PLD5: variants seen among roughly 807,000 people sequenced by gnomAD.
The protein encoded by PLD5 is inactive phospholipase D5.
In PLD5, 36 loss-of-function variants were observed where a neutral mutation model predicts 61.1. That is an observed-to-expected ratio of 0.59 (90% CI 0.45 to 0.78). The LOEUF is 0.78. PLD5 is among the 30% of genes least tolerant of loss of function. The pLI is 0.00. For missense variants in PLD5, 515 were observed against 644.4 expected (o/e 0.80, Z 2.17); for synonymous variants, 243 against 242.8 (o/e 1.00, Z -0.01).
chr1:242,524,078 T>G lies in PLD5; in HGVS notation c.189+10A>C. 1 of 1,530,576 alleles carries G rather than the reference T, an allele frequency of 6.5e-7. No individual in the cohort carries two copies. Among genetic ancestry groups the G allele is most frequent in the Non-Finnish European group, 8.7e-7 (1 of 1,144,280 alleles). 94.8% of individuals were successfully genotyped at this position (1,530,576 alleles called of 1,614,324 possible). A position where few individuals can be genotyped will look rare whatever the true frequency, so the allele number is the denominator to read the frequency against. On this transcript the variant is annotated intron_variant, in intron 1 of 9. Transcript: ENST00000536534. ...CCTGGCCGAGGCCCCCGGGAGCGAG[T>G]CGCCCTTACGTGCTCCAGCTTGTCT...
At chr1:242,501,823 C>T (rs1668565198) in intron 1 of PLD5, among the ~76,000 whole-genome samples, 2 of 149,638 alleles carry the variant, frequency 1.3e-5, no homozygotes, top group African/African-American at 4.9e-5. Context: ...CTACATCATG[C>T]TGTACCTTAA....
At chr1:242,425,147 CAT>C (rs1665348379) in intron 1 of PLD5, among the ~76,000 whole-genome samples, 1 of 152,136 alleles carries the variant, frequency 6.6e-6, no homozygotes, top group Non-Finnish European at 1.5e-5. Flanking sequence ...AAAATACAAT[CAT>C]GTGTTGTTGC....
At position 242,244,169 on chromosome 1, in the gene PLD5, A is replaced by G. The variant is rs563010123; in HGVS notation, c.607+21168T>C. Among the ~76,000 whole-genome samples, 41 of 152,336 alleles carry G rather than the reference A, an allele frequency of 2.7e-4. 1 individual carries two copies. The South Asian group carries it at 8.1e-3, about 30-fold the overall frequency. On this transcript the variant is annotated intron_variant, in intron 4 of 9. Transcript: ENST00000536534. ...TCTTGGGATACAGAAAATATTCACA[A>G]AAGTCATTCTTTGTGATAGCATGGG...
intron 5 of PLD5, chr1:242,177,925 A>T (rs1667273629): frequency 6.6e-6 from 1 of 152,242 alleles, no homozygotes; most frequent in Admixed American, 6.5e-5. Context: ...GCAAAGATTC[A>T]GGCTCTGACA....
At chr1:242,237,013 A>T (rs1237640710) in intron 4 of PLD5, among the ~76,000 whole-genome samples, 1 of 152,230 alleles carries the variant, frequency 6.6e-6, no homozygotes, top group African/African-American at 2.4e-5. Flanking sequence ...TTCTTTTCAC[A>T]CAGACAAGCA....
chr1:242,495,834 C>T (rs1033405789), intron 1 of PLD5, among the ~76,000 whole-genome samples: 1 of 152,102 alleles, frequency 6.6e-6, no homozygotes, highest in Non-Finnish European at 1.5e-5. Context: ...TAGAGACTAC[C>T]ATCATCTATC....
At chr1:242,171,454 C>A (rs1431593266) in intron 5 of PLD5, among the ~76,000 whole-genome samples, 1 of 152,104 alleles carries the variant, frequency 6.6e-6, no homozygotes, top group Non-Finnish European at 1.5e-5. Flanking sequence ...ATTGTAAAGA[C>A]CATCGACACT....
At chr1:242,215,221 A>G (rs916700944) in intron 5 of PLD5, among the ~76,000 whole-genome samples, 2 of 151,846 alleles carry the variant, frequency 1.3e-5, no homozygotes, top group Admixed American at 6.6e-5. Context: ...CATTTATATG[A>G]TGGCCCACAA....
intron 8 of PLD5, 65 bp from the exon 9 acceptor site, chr1:242,100,847 C>G: frequency 9.6e-7 from 1 of 1,046,132 alleles, no homozygotes; most frequent in South Asian, 1.3e-5. Context: ...TCCAAGAGCA[C>G]AAAAGAATGC....
intron 1 of PLD5, among the ~76,000 whole-genome samples, chr1:242,456,914 C>T (rs778211784): frequency 2.6e-5 from 4 of 152,068 alleles, no homozygotes; most frequent in African/African-American, 9.7e-5. Flanking sequence ...CTTCCATATG[C>T]GCAGTTGAAT....
intron 1 of PLD5, among the ~76,000 whole-genome samples, chr1:242,413,291 T>A (rs536590524): frequency 6.6e-6 from 1 of 152,246 alleles, no homozygotes; most frequent in African/African-American, 2.4e-5. Context: ...TTTCTAACCC[T>A]TTGTCGTCAT....
At chr1:242,159,089 T>G (rs1394356029) in intron 5 of PLD5, among the ~76,000 whole-genome samples, 1 of 152,188 alleles carries the variant, frequency 6.6e-6, no homozygotes, top group Non-Finnish European at 1.5e-5. Flanking sequence ...GCTAATTGCT[T>G]TGTGTTTTTC....
chr1:242,412,272 GAACTCA>G (rs1177257517), intron 1 of PLD5, among the ~76,000 whole-genome samples: 1 of 152,216 alleles, frequency 6.6e-6, no homozygotes, highest in Non-Finnish European at 1.5e-5. Context: ...TCATGGCCAT[GAACTCA>G]GCTTCCAGGG....
chr1:242,243,950 T>A (rs1672213622), intron 4 of PLD5, among the ~76,000 whole-genome samples: 1 of 152,238 alleles, frequency 6.6e-6, no homozygotes, highest in Non-Finnish European at 1.5e-5. Context: ...GAATAGCAGC[T>A]GGTATTCCCA....
intron 3 of PLD5, among the ~76,000 whole-genome samples, chr1:242,268,058 A>C (rs1013932550): frequency 1.3e-5 from 2 of 151,986 alleles, no homozygotes; most frequent in Non-Finnish European, 2.9e-5. Flanking sequence ...GGATGGTGAG[A>C]GGCTCAGGTA....
chr1:242,226,055 A>G (rs1473916482), intron 4 of PLD5, among the ~76,000 whole-genome samples: 2 of 152,222 alleles, frequency 1.3e-5, no homozygotes, highest in South Asian at 2.1e-4. Flanking sequence ...CTACATTTAT[A>G]TAAAGTTTTT....
chr1:242,331,505 A>G (rs540780848), intron 2 of PLD5, among the ~76,000 whole-genome samples: 5 of 145,190 alleles, frequency 3.4e-5, no homozygotes, highest in Non-Finnish European at 7.6e-5. Context: ...ATGCCAAAAA[A>G]TAATTGCCCT....
At chr1:242,263,972 G>A (rs1392914402) in intron 4 of PLD5, among the ~76,000 whole-genome samples, 1 of 152,104 alleles carries the variant, frequency 6.6e-6, no homozygotes, top group African/African-American at 2.4e-5. Flanking sequence ...TGGATGTCTC[G>A]GGCTCCCTCC....
At chr1:242,183,326 A>C (rs1667640450) in intron 5 of PLD5, among the ~76,000 whole-genome samples, 1 of 152,176 alleles carries the variant, frequency 6.6e-6, no homozygotes, top group Non-Finnish European at 1.5e-5. Context: ...AAATATTATC[A>C]AGTGGGCTGT....
Sources: allele counts gnomAD v4.1 joint callset (sites outside exome capture counted in the v4.1 genomes callset), GRCh38; gene constraint gnomAD v4.1.1; transcripts MANE v1.5; gene names NCBI Gene and HGNC (gene_info 2026-07-23, HGNC 2026-07-21).